PRUNE2: variants seen among roughly 807,000 people sequenced by gnomAD.
PRUNE2 encodes prune homolog 2 with BCH domain.
A neutral mutation model predicts 252.0 loss-of-function variants in PRUNE2; 164 were observed. The ratio of observed to expected loss-of-function variants is 0.65; its 90% CI spans 0.57 to 0.74. The LOEUF (loss-of-function observed/expected upper bound fraction) is 0.74. Among genes scored for constraint, PRUNE2 ranks in the 30% least tolerant of loss-of-function variants. The probability of loss-of-function intolerance (pLI) is 0.00; values close to 1 mark genes in which losing one functional copy is unlikely to be tolerated. For missense variants in PRUNE2, 3,495 were observed against 3,711.0 expected (o/e 0.94, Z 1.51); for synonymous variants, 1,292 against 1,350.2 (o/e 0.96, Z 0.94).
At position 76,720,669 on chromosome 9, in the gene PRUNE2, T is replaced by G. The variant is rs540986663; in HGVS notation, c.757-6948A>C. On this transcript the variant is annotated intron_variant, in intron 6 of 18. Coordinates refer to ENST00000376718, the MANE Select transcript of PRUNE2 (RefSeq NM_015225.3). ...TAAATCTGATTCATAGAAAGTACTT[T>G]TGCAAGATTCTGTCTGTGGGGACTG... Among the ~76,000 whole-genome samples the G allele has an allele frequency of 1.2e-4, 19 of 152,320 alleles. No individual in the cohort carries two copies. The South Asian group carries it at 3.9e-3, about 32-fold the overall frequency.
At chr9:76,635,863 C>A (rs1252124102) in intron 15 of PRUNE2, among the ~76,000 whole-genome samples, 1 of 152,296 alleles carries the variant, frequency 6.6e-6, no homozygotes, top group Non-Finnish European at 1.5e-5. Flanking sequence ...ATGAACATAA[C>A]TTATTTTACT....
chr9:76,801,656 G>A (rs577608376), intron 6 of PRUNE2, among the ~76,000 whole-genome samples: 3 of 152,140 alleles, frequency 2.0e-5, no homozygotes, highest in African/African-American at 4.8e-5. Flanking sequence ...CTCTGGTAGC[G>A]ACTACCTTGT....
intron 4 of PRUNE2, among the ~76,000 whole-genome samples, chr9:76,843,381 T>C (rs2059500005): frequency 6.6e-6 from 1 of 152,074 alleles, no homozygotes; most frequent in African/African-American, 2.4e-5. Context: ...AGGTGATGGA[T>C]TGATGGGTGC....
At chr9:76,772,068 G>A (rs2053175391) in intron 6 of PRUNE2, among the ~76,000 whole-genome samples, 1 of 152,140 alleles carries the variant, frequency 6.6e-6, no homozygotes, top group South Asian at 2.1e-4. Context: ...CAAGAATCCT[G>A]GAATTCCACT....
chr9:76,651,500 AT>A (rs1268380191), intron 11 of PRUNE2, among the ~76,000 whole-genome samples: 1 of 152,258 alleles, frequency 6.6e-6, no homozygotes, highest in African/African-American at 2.4e-5. Context: ...TTAAAAATGA[AT>A]AAAAGCAATA....
chr9:76,681,431 ATG>A (rs2043419148), intron 9 of PRUNE2, among the ~76,000 whole-genome samples: 1 of 146,448 alleles, frequency 6.8e-6, no homozygotes, highest in African/African-American at 2.5e-5. Context: ...ATTTTATGTT[ATG>A]TGTTTCTTAC....
chr9:76,721,252 A>C (rs1364596587), intron 6 of PRUNE2, among the ~76,000 whole-genome samples: 1 of 152,146 alleles, frequency 6.6e-6, no homozygotes, highest in Non-Finnish European at 1.5e-5. Flanking sequence ...ATGTATAGTG[A>C]TTTTTCCTTC....
intron 9 of PRUNE2, among the ~76,000 whole-genome samples, chr9:76,664,656 G>A (rs2039782489): frequency 6.6e-6 from 1 of 152,092 alleles, no homozygotes; most frequent in Admixed American, 6.5e-5. Context: ...GAGTAGCTGG[G>A]ATTACAGACG....
Position 76,706,050 on chromosome 9 carries a change from T to G in PRUNE2, c.6224A>C (p.Lys2075Thr). 1 of 1,614,038 alleles carries G rather than the reference T, an allele frequency of 6.2e-7. No individual in the cohort carries two copies. The highest frequency in any genetic ancestry group is 8.5e-7 in the Non-Finnish European group (1 of 1,179,888). The change falls in exon 8 of 19, where the codon AAG becomes ACG. Residue 2075 changes from lysine (K) to threonine (T), a missense_variant. By Grantham distance (78) the Lys-to-Thr change is moderately conservative. Transcript: ENST00000376718. ...SAAPDLWIDAKKPFSLKADGE... is the reference protein window; with the variant it reads ...SAAPDLWIDATKPFSLKADGE... ...ATCTGCTTTCAAACTGAAGGGCTTC[T>G]TAGCATCTATCCACAAGTCAGGCGC...
chr9:76,868,728 C>T (rs1005043624), intron 1 of PRUNE2, among the ~76,000 whole-genome samples: 5 of 150,328 alleles, frequency 3.3e-5, no homozygotes, highest in Non-Finnish European at 7.4e-5. Context: ...AATTAAGCAG[C>T]CCTAATTTTT....
intron 4 of PRUNE2, among the ~76,000 whole-genome samples, chr9:76,837,824 T>G (rs1012393423): frequency 6.7e-6 from 1 of 149,758 alleles, no homozygotes; most frequent in African/African-American, 2.5e-5. Context: ...CAGGCTGGAG[T>G]GCAGTGGCGC....
rs1487357951 is a variant in PRUNE2 at position 76,638,185 on chromosome 9, C to A, written c.8831+1G>T. ...AGCACTTTGTCATAAGTATCACTCA[C>A]AGGAAAAGATTTTCCATGACATAGT... On this transcript the variant is annotated splice_donor_variant, in intron 13 of 18. Transcript: ENST00000376718. LOFTEE classifies it high-confidence loss of function. The A allele has an allele frequency of 1.2e-6, 2 of 1,603,612 alleles. No homozygotes were observed. Among genetic ancestry groups the A allele is most frequent in the Non-Finnish European group, 1.7e-6 (2 of 1,170,732 alleles).
Position 76,713,722 on chromosome 9 carries a change from C to G in PRUNE2, c.757-1G>C. ...TAATATTGCTGTGAAATAGACAATT[C>G]TGAAACGACAACAGGAAATTTGATA... is the stretch of plus-strand genomic sequence containing the variant. On this transcript the variant is annotated splice_acceptor_variant, in intron 6 of 18. Transcript: ENST00000376718. LOFTEE classifies it high-confidence loss of function. 6.3e-7 allele frequency: 1 copy of G among 1,586,416 alleles called. No individual in the cohort carries two copies. The highest frequency in any genetic ancestry group is 8.6e-7 in the Non-Finnish European group (1 of 1,165,784).
At chr9:76,860,922 G>A (rs1222920717) in intron 1 of PRUNE2, among the ~76,000 whole-genome samples, 1 of 152,184 alleles carries the variant, frequency 6.6e-6, no homozygotes, top group Non-Finnish European at 1.5e-5. Flanking sequence ...AAGACTGGCT[G>A]CAGGGTGATG....
chr9:76,730,952 A>G (rs1454919291), intron 6 of PRUNE2, among the ~76,000 whole-genome samples: 1 of 152,150 alleles, frequency 6.6e-6, no homozygotes, highest in African/African-American at 2.4e-5. Context: ...GAAACACCAA[A>G]CATTCTTAAC....
At chr9:76,777,107 T>C (rs2053889691) in intron 6 of PRUNE2, among the ~76,000 whole-genome samples, 2 of 151,942 alleles carry the variant, frequency 1.3e-5, no homozygotes, top group South Asian at 2.1e-4. Context: ...AGGTTGTATA[T>C]TGCTGAGAGA....
intron 1 of PRUNE2, among the ~76,000 whole-genome samples, chr9:76,855,082 A>AATATATATATATATATAT (rs1162386020): frequency 6.4e-5 from 7 of 109,392 alleles, no homozygotes; most frequent in African/African-American, 2.7e-4. Context: ...AAAAAAAAAA[A>AATATATATATATATATAT]ATATATATAT....
chr9:76,708,022 C>T lies in PRUNE2; in HGVS notation c.4252G>A (p.Gly1418Arg). Residue 1418 changes from glycine to arginine, a missense_variant, in exon 8 of 19, where the codon GGG (glycine) becomes AGG (arginine). Coordinates refer to ENST00000376718, the MANE Select transcript of PRUNE2 (RefSeq NM_015225.3). ...GGCTGCAGGTTATCTGCGGACATCC[C>T]TGTTTGCACATCACGGGAGTCTAGA... ...YNLDSRDVQTGMSADNLQPKD... is the reference protein window; with the variant it reads ...YNLDSRDVQTRMSADNLQPKD... 1 of 1,613,984 alleles carries T rather than the reference C, an allele frequency of 6.2e-7. No homozygotes were observed. Among genetic ancestry groups the T allele is most frequent in the Non-Finnish European group, 8.5e-7 (1 of 1,179,872 alleles).
rs535072872 is a variant in PRUNE2, at chr9:76,632,997, G to A, written c.9050+3474C>T. Among the ~76,000 whole-genome samples the A allele has an allele frequency of 5.8e-4, 88 of 151,122 alleles. No homozygotes were observed. In the South Asian group the frequency reaches 0.016, roughly 27 times the overall value. On this transcript the variant is annotated intron_variant, in intron 15 of 18. Transcript: ENST00000376718. The stretch of plus-strand genomic sequence containing the variant: ...AGCACTTTGGGAGGCCGAGGCAGGC[G>A]GATCACTTGAGGTCAGGAGTTCAAG...
Sources: allele counts gnomAD v4.1 joint callset (sites outside exome capture counted in the v4.1 genomes callset), GRCh38; gene constraint gnomAD v4.1.1; transcripts MANE v1.5; gene names NCBI Gene and HGNC (gene_info 2026-07-23, HGNC 2026-07-21).